Variants in ADAMTS18 observed in about 807,000 individuals in gnomAD.
ADAMTS18 encodes ADAM metallopeptidase with thrombospondin type 1 motif 18.
ADAMTS18 carries 157 observed loss-of-function variants against 165.9 expected under a neutral mutation model. The ratio of observed to expected loss-of-function variants is 0.95; its 90% CI spans 0.83 to 1.08. The LOEUF is 1.08. Ranked by LOEUF, ADAMTS18 falls within the 50% of genes least tolerant of loss-of-function variation. ADAMTS18 has a pLI of 0.00. For synonymous variants in ADAMTS18, 782 were observed against 578.2 expected (o/e 1.35, Z -5.06); for missense variants, 2,040 against 1,534.0 (o/e 1.33, Z -5.51).
At position 77,282,536 on chromosome 16, in the gene ADAMTS18, T is replaced by C. The variant is rs1215189777; in HGVS notation, c.*1420A>G. The C allele has an allele frequency of 1.3e-5, 2 of 152,608 alleles. No individual in the cohort carries two copies. Among genetic ancestry groups the C allele is most frequent in the African/African-American group, 4.8e-5 (2 of 41,448 alleles). 9.5% of individuals were successfully genotyped at this position (152,608 alleles called of 1,614,324 possible). On this transcript the variant is annotated 3_prime_UTR_variant, in exon 23 of 23. Transcript: ENST00000282849. ...TGCTGCTAAATTTAACAAACCACTG[T>C]CTAGTTGATTATGCTGAGCTGGCTA...
intron 16 of ADAMTS18, among the ~76,000 whole-genome samples, chr16:77,305,353 G>C (rs1048830899): frequency 6.6e-6 from 1 of 151,864 alleles, no homozygotes; most frequent in Non-Finnish European, 1.5e-5. Flanking sequence ...CTTTCACCCT[G>C]TTCTTAAAAA....
At chr16:77,391,120 T>TAA (rs1235796292) in intron 3 of ADAMTS18, among the ~76,000 whole-genome samples, 3 of 152,152 alleles carry the variant, frequency 2.0e-5, no homozygotes, top group Non-Finnish European at 4.4e-5. Context: ...TCTATCTACA[T>TAA]AAAGGCATAA....
intron 20 of ADAMTS18, 34 bp from the exon 21 acceptor site, chr16:77,291,512 A>G: frequency 6.2e-7 from 1 of 1,602,304 alleles, no homozygotes; most frequent in Non-Finnish European, 8.6e-7. Flanking sequence ...AAAAGTGAAG[A>G]CTGCCAGGAT....
At chr16:77,356,323 A>G (rs2056629550) in intron 8 of ADAMTS18, among the ~76,000 whole-genome samples, 1 of 152,200 alleles carries the variant, frequency 6.6e-6, no homozygotes, top group African/African-American at 2.4e-5. Flanking sequence ...TCTAGCTGCT[A>G]CATGTTTTAT....
chr16:77,364,699 C>G (rs951685667), intron 4 of ADAMTS18, among the ~76,000 whole-genome samples: 1 of 143,210 alleles, frequency 7.0e-6, no homozygotes, highest in Non-Finnish European at 1.5e-5. Flanking sequence ...AATGGATGAA[C>G]TTAGTAACTC....
chr16:77,295,043 C>A lies in ADAMTS18; in HGVS notation c.2886G>T (p.Lys962Asn), dbSNP rs1355106989. Residue 962 changes from lysine (K) to asparagine (N), a missense_variant, in exon 19 of 23, where the codon AAG becomes AAT. Lys to Asn is a moderately conservative substitution (Grantham distance 94). Coordinates refer to ENST00000282849, the MANE Select transcript of ADAMTS18 (RefSeq NM_199355.4). ...QSRKIQCVQK[K>N]PFQKEEAVLH... is the part of the protein sequence containing the mutation. ...ACACTGCTTCCTCCTTTTGGAAGGG[C>A]TTCTTTTGCACACACTGGATCTTTC... 4 of 1,614,080 alleles carry A rather than the reference C, an allele frequency of 2.5e-6. No homozygotes were observed. Among genetic ancestry groups the A allele is most frequent in the African/African-American group, 2.7e-5 (2 of 74,928 alleles).
intron 10 of ADAMTS18, among the ~76,000 whole-genome samples, chr16:77,343,074 C>CTTG (rs1555515710): frequency 1.3e-4 from 19 of 142,416 alleles, no homozygotes; most frequent in African/African-American, 4.6e-4. Flanking sequence ...ACCTTACTTT[C>CTTG]TTTTTTTTTT....
intron 3 of ADAMTS18, among the ~76,000 whole-genome samples, chr16:77,392,272 G>A (rs1246578644): frequency 2.0e-5 from 3 of 152,130 alleles, no homozygotes; most frequent in Non-Finnish European, 4.4e-5. Context: ...TGATTTGCAT[G>A]ACCTGAACTC....
intron 3 of ADAMTS18, among the ~76,000 whole-genome samples, chr16:77,414,316 A>G (rs568402021): frequency 3.3e-5 from 5 of 152,370 alleles, no homozygotes; most frequent in African/African-American, 9.6e-5. Context: ...GTACTGCCCA[A>G]GACAGCAGCC....
At chr16:77,426,834 G>A (rs957499314) in intron 3 of ADAMTS18, among the ~76,000 whole-genome samples, 3 of 152,116 alleles carry the variant, frequency 2.0e-5, no homozygotes, top group African/African-American at 7.2e-5. Flanking sequence ...GCCAGCCTGG[G>A]CAACATGGCA....
intron 16 of ADAMTS18, among the ~76,000 whole-genome samples, chr16:77,318,537 A>C (rs193241762): frequency 1.3e-5 from 2 of 152,326 alleles, no homozygotes; most frequent in Admixed American, 1.3e-4. Flanking sequence ...TCAGGAAATG[A>C]ATGCATGAAA....
rs752976883 is a variant in ADAMTS18 at position 77,289,264 on chromosome 16, C to A, written c.3550G>T (p.Glu1184Ter). 6.2e-7 allele frequency: 1 copy of A among 1,614,090 alleles called. No individual in the cohort carries two copies. The highest frequency in any genetic ancestry group is 8.5e-7 in the Non-Finnish European group (1 of 1,179,968). The part of the protein sequence containing the change: ...TNFCPAPEKR[E>*]DPSCVDFFNW... ...TGACTGGAGCATGGTGCCTTTTTAC[C>A]TCTCTTTTCAGGAGCTGGACAGAAG... is the stretch of plus-strand genomic sequence containing the variant. The change falls in exon 22 of 23, where the codon GAG becomes TAG. Residue 1184 changes from glutamate (E) to a stop codon, truncating the protein, a stop_gained and splice_region_variant. Coordinates refer to ENST00000282849, the MANE Select transcript of ADAMTS18 (RefSeq NM_199355.4). LOFTEE classifies it high-confidence loss of function.
At position 77,289,422 on chromosome 16, in the gene ADAMTS18, G is replaced by C. The variant is rs771687029; in HGVS notation, c.3403-11C>G. On this transcript the variant is annotated splice_polypyrimidine_tract_variant and intron_variant, in intron 21 of 22. Coordinates refer to ENST00000282849, the MANE Select transcript of ADAMTS18 (RefSeq NM_199355.4). ...ACAGGTGACTGTGCACTGCAGCAGA[G>C]AGAAGAGGAAGGAGTCAGAAACACT... 6.8e-6 allele frequency: 11 copies of C among 1,613,742 alleles called. No individual in the cohort carries two copies. In the South Asian group the frequency reaches 7.7e-5, roughly 11 times the overall value.
At chr16:77,359,853 A>G (rs1243370784) in intron 7 of ADAMTS18, among the ~76,000 whole-genome samples, 1 of 152,194 alleles carries the variant, frequency 6.6e-6, no homozygotes, top group Non-Finnish European at 1.5e-5. Context: ...TGTATTTTCC[A>G]AGGAAAAACA....
At chr16:77,285,033 T>C (rs1419589443) in intron 22 of ADAMTS18, among the ~76,000 whole-genome samples, 2 of 152,188 alleles carry the variant, frequency 1.3e-5, no homozygotes, top group Non-Finnish European at 2.9e-5. Context: ...CTAATTTCTT[T>C]AGTTGTTCAA....
intron 3 of ADAMTS18, among the ~76,000 whole-genome samples, chr16:77,420,974 C>G (rs1161762939): frequency 2.6e-5 from 4 of 152,176 alleles, no homozygotes; most frequent in Admixed American, 2.6e-4. Flanking sequence ...GGTAAATCAG[C>G]AGAAAGATAA....
chr16:77,292,517 A>G (rs1470605033), intron 20 of ADAMTS18, among the ~76,000 whole-genome samples: 1 of 152,178 alleles, frequency 6.6e-6, no homozygotes, highest in Non-Finnish European at 1.5e-5. Flanking sequence ...CTCCCTAGAA[A>G]GTCTCTTCTG....
At chr16:77,387,470 T>A (rs1356197643) in intron 3 of ADAMTS18, among the ~76,000 whole-genome samples, 3 of 152,208 alleles carry the variant, frequency 2.0e-5, no homozygotes, top group Non-Finnish European at 4.4e-5. Context: ...AATCTCAAAA[T>A]GCACTACTCA....
At position 77,341,789 on chromosome 16, in the gene ADAMTS18, T is replaced by G. The variant is rs2056402099; in HGVS notation, c.1625A>C (p.Lys542Thr). 12 of 1,611,920 alleles carry G rather than the reference T, an allele frequency of 7.4e-6. No individual in the cohort carries two copies. The highest frequency in any genetic ancestry group is 1.3e-5 in the African/African-American group (1 of 74,538). The change falls in exon 11 of 23, where the codon AAA (lysine) becomes ACA (threonine). Residue 542 changes from lysine to threonine, a missense_variant. Physicochemically the swap from Lys to Thr is moderately conservative, Grantham distance 78. Transcript: ENST00000282849. ...CSLGFVKDICKSLWCHRVGHR... is the reference protein window; with the variant it reads ...CSLGFVKDICTSLWCHRVGHR... ...GCCTACTCGGTGGCACCAAAGTGAT[T>G]TGCAAATATCCTGAAATAAAAAAAA...
Sources: gnomAD v4.1 joint callset for allele counts (sites outside exome capture counted in the v4.1 genomes callset) on GRCh38, gnomAD v4.1.1 for gene constraint, MANE v1.5 for transcripts, NCBI Gene and HGNC (gene_info 2026-07-23, HGNC 2026-07-21) for gene names.